The following KCNIP3 variants were observed in gnomAD, a reference collection of about 807,000 sequenced individuals.
The protein encoded by KCNIP3 is calsenilin.
In KCNIP3, 28 loss-of-function variants were observed where a neutral mutation model predicts 35.0. The ratio of observed to expected loss-of-function variants is 0.80; its 90% CI spans 0.59 to 1.10. The LOEUF (loss-of-function observed/expected upper bound fraction) is 1.10. KCNIP3 is among the 50% of genes least tolerant of loss of function. KCNIP3 has a pLI of 0.00. For missense variants in KCNIP3, 295 were observed against 338.4 expected, an observed-to-expected ratio of 0.87 and a Z score of 1.01; for synonymous variants, 134 against 133.8, an observed-to-expected ratio of 1.00 and a Z score of -0.01.
At chr2:95,329,606 G>C (rs568816519) in intron 2 of KCNIP3, among the ~76,000 whole-genome samples, 1 of 152,218 alleles carries the variant, frequency 6.6e-6, no homozygotes, top group Admixed American at 6.5e-5. Context: ...CTCCATCACC[G>C]CTGGTCTCAC....
chr2:95,350,783 G>A (rs1679496399), intron 2 of KCNIP3, among the ~76,000 whole-genome samples: 2 of 152,284 alleles, frequency 1.3e-5, no homozygotes, highest in Admixed American at 6.5e-5. Flanking sequence ...AAAAATACCC[G>A]CTGTGCCCAC....
chr2:95,365,019 G>A (rs976648049), intron 2 of KCNIP3, among the ~76,000 whole-genome samples: 1 of 152,202 alleles, frequency 6.6e-6, no homozygotes, highest in South Asian at 2.1e-4. Context: ...CTGGAAGGCT[G>A]CAGTGAGCTG....
chr2:95,352,616 G>T (rs752443920), intron 2 of KCNIP3, among the ~76,000 whole-genome samples: 2 of 151,866 alleles, frequency 1.3e-5, no homozygotes, highest in Non-Finnish European at 2.9e-5. Context: ...GTCTCACAGT[G>T]CTGTGTCCCC....
chr2:95,345,818 G>A (rs1679341308), intron 2 of KCNIP3, among the ~76,000 whole-genome samples: 1 of 152,200 alleles, frequency 6.6e-6, no homozygotes, highest in African/African-American at 2.4e-5. Flanking sequence ...CTTCCTTTTC[G>A]CGGCTTTCCC....
intron 2 of KCNIP3, among the ~76,000 whole-genome samples, chr2:95,359,733 C>A (rs1346644262): frequency 6.6e-6 from 1 of 152,270 alleles, no homozygotes; most frequent in African/African-American, 2.4e-5. Flanking sequence ...TGCTCTTGAA[C>A]TCTGTGTGCC....
intron 2 of KCNIP3, among the ~76,000 whole-genome samples, chr2:95,324,760 A>G (rs1012057421): frequency 9.9e-5 from 15 of 151,710 alleles, no homozygotes; most frequent in Admixed American, 2.6e-4. Flanking sequence ...AAAACACAAA[A>G]GTTAGCCTGG....
chr2:95,305,044 A>G (rs1210629050), intron 1 of KCNIP3, among the ~76,000 whole-genome samples: 1 of 152,176 alleles, frequency 6.6e-6, no homozygotes. Context: ...CACACTGCCA[A>G]GTATGCCACC....
intron 2 of KCNIP3, among the ~76,000 whole-genome samples, chr2:95,336,664 A>G (rs1679066842): frequency 6.6e-6 from 1 of 152,130 alleles, no homozygotes; most frequent in South Asian, 2.1e-4. Context: ...CCCTATAAAG[A>G]GCATTGAGTT....
intron 2 of KCNIP3, among the ~76,000 whole-genome samples, chr2:95,318,627 T>C (rs1363134810): frequency 2.0e-5 from 3 of 152,094 alleles, no homozygotes; most frequent in Non-Finnish European, 4.4e-5. Context: ...CACCCGGGGC[T>C]GAGCAGGACC....
At chr2:95,369,914 C>T (rs559842464) in intron 2 of KCNIP3, among the ~76,000 whole-genome samples, 3 of 152,316 alleles carry the variant, frequency 2.0e-5, no homozygotes, top group African/African-American at 4.8e-5. Context: ...AACCACTGCA[C>T]TCAGTCCATC....
At chr2:95,361,025 G>A (rs1258241871) in intron 2 of KCNIP3, among the ~76,000 whole-genome samples, 2 of 152,176 alleles carry the variant, frequency 1.3e-5, no homozygotes, top group East Asian at 3.8e-4. Context: ...TGGGGGAGAG[G>A]TAGAAAGGGA....
chr2:95,321,197 G>A lies in KCNIP3; in HGVS notation c.181+10677G>A, dbSNP rs191478650. The stretch of plus-strand genomic sequence containing the variant: ...CCCTACGCCACCCTCTGTGGATGAA[G>A]GGGTGGGTCACAGAGCCGGTTTCGC... On this transcript the variant is annotated intron_variant, in intron 2 of 8. Transcript: ENST00000295225. Among the ~76,000 whole-genome samples the A allele has an allele frequency of 4.8e-3, 729 of 152,302 alleles. 6 individuals carry two copies. The highest frequency in any genetic ancestry group is 0.016 in the African/African-American group (683 of 41,572).
rs778682065 is a variant in KCNIP3, at chr2:95,383,211, TG to T, written c.661-18del. ...TCTCTGCTGGGGCACAGACTCACTT[TG>T]GGCATGGCTTGGGTTGCAGAAAATG... is the stretch of plus-strand genomic sequence containing the variant. On this transcript the variant is annotated intron_variant, in intron 7 of 8. Transcript: ENST00000295225. 2.5e-6 allele frequency: 4 copies of T among 1,612,656 alleles called. No individual in the cohort carries two copies. In the South Asian group the frequency reaches 4.4e-5, roughly 18 times the overall value.
At chr2:95,353,429 G>A (rs1319701476) in intron 2 of KCNIP3, among the ~76,000 whole-genome samples, 2 of 152,156 alleles carry the variant, frequency 1.3e-5, no homozygotes, top group Non-Finnish European at 1.5e-5. Flanking sequence ...GGCTGGAGCC[G>A]GGCATCCTGA....
intron 2 of KCNIP3, among the ~76,000 whole-genome samples, chr2:95,326,711 A>T (rs568602634): frequency 6.6e-6 from 1 of 152,304 alleles, no homozygotes; most frequent in African/African-American, 2.4e-5. Context: ...AGAAATGTAA[A>T]TTGGAGTCTG....
intron 2 of KCNIP3, among the ~76,000 whole-genome samples, chr2:95,342,977 G>A (rs369980144): frequency 2.6e-5 from 4 of 152,166 alleles, no homozygotes; most frequent in South Asian, 2.1e-4. Context: ...GAAAGGGCAC[G>A]GTCTGATTTT....
chr2:95,322,952 G>C (rs1018442566), intron 2 of KCNIP3, among the ~76,000 whole-genome samples: 2 of 152,206 alleles, frequency 1.3e-5, no homozygotes, highest in East Asian at 3.9e-4. Flanking sequence ...GAGCCACCGC[G>C]AGCAGGTCCA....
At chr2:95,366,725 A>G (rs1254356864) in intron 2 of KCNIP3, among the ~76,000 whole-genome samples, 5 of 152,192 alleles carry the variant, frequency 3.3e-5, no homozygotes, top group Non-Finnish European at 7.3e-5. Context: ...AGCAATTCTC[A>G]TAGGTATATA....
chr2:95,345,741 C>T (rs1229846149), intron 2 of KCNIP3, among the ~76,000 whole-genome samples: 1 of 152,272 alleles, frequency 6.6e-6, no homozygotes, highest in Non-Finnish European at 1.5e-5. Context: ...CGGCTCAGGT[C>T]TCCGGCCTCG....
Sources: gnomAD v4.1 joint callset for allele counts (sites outside exome capture counted in the v4.1 genomes callset) on GRCh38, gnomAD v4.1.1 for gene constraint, MANE v1.5 for transcripts, NCBI Gene and HGNC (gene_info 2026-07-23, HGNC 2026-07-21) for gene names.